Variants in SSH1 observed in about 807,000 individuals in gnomAD.
The protein encoded by SSH1 is protein phosphatase Slingshot homolog 1.
A neutral mutation model predicts 79.7 loss-of-function variants in SSH1; 43 were observed. That is an observed-to-expected ratio of 0.54 (90% confidence interval 0.42 to 0.70). The LOEUF is 0.70. Among genes scored for constraint, SSH1 ranks in the 30% least tolerant of loss-of-function variants. The pLI, the probability that SSH1 is intolerant of heterozygous loss-of-function variation, is 0.00. For synonymous variants in SSH1, 599 were observed against 538.3 expected, an observed-to-expected ratio of 1.11 and a Z score of -1.56; for missense variants, 1,206 against 1,358.8, an observed-to-expected ratio of 0.89 and a Z score of 1.77.
chr12:108,788,067 TC>T lies in SSH1; in HGVS notation c.3070del (p.Asp1024ThrfsTer17). The T allele has an allele frequency of 6.2e-7, 1 of 1,614,046 alleles. No homozygotes were observed. Among genetic ancestry groups the T allele is most frequent in the South Asian group, 1.1e-5 (1 of 91,058 alleles). On this transcript the variant is annotated frameshift_variant, in exon 15 of 15. Coordinates refer to ENST00000326495, the MANE Select transcript of SSH1 (RefSeq NM_018984.4). LOFTEE classifies it low-confidence loss of function (END_TRUNC). ...FLHEPQGTPR[D>X]PAATSKPSGK... ...TGATGGTTTGGAGGTTGCAGCTGGG[TC>T]CCTCGGGGTTCCCTGGGGCTCATGC... is the stretch of plus-strand genomic sequence containing the variant.
chr12:108,809,104 G>T (rs566264419), intron 7 of SSH1, among the ~76,000 whole-genome samples: 1 of 151,666 alleles, frequency 6.6e-6, no homozygotes, highest in East Asian at 1.9e-4. Context: ...AAAGTGCTGG[G>T]GTTACAGTTG....
chr12:108,824,735 G>A (rs1006173790), intron 2 of SSH1, among the ~76,000 whole-genome samples: 6 of 152,296 alleles, frequency 3.9e-5, no homozygotes, highest in South Asian at 4.1e-4. Context: ...CCTGGGCAAC[G>A]TTGTGAGACC....
chr12:108,787,782 G>A lies in SSH1; in HGVS notation c.*206C>T, dbSNP rs2036324992. 1 of 663,032 alleles carries A rather than the reference G, an allele frequency of 1.5e-6. No individual in the cohort carries two copies. The allele number at this position is 663,032 out of a possible 1,614,324, so 41.1% of individuals were successfully genotyped here. A position where few individuals can be genotyped will look rare whatever the true frequency, so the allele number is the denominator to read the frequency against. The stretch of plus-strand genomic sequence containing the variant: ...TGGCCGGCGGCTCCTGGTTCTCCCA[G>A]GCCACACGACTGACAGCTCCCCTTC... On this transcript the variant is annotated 3_prime_UTR_variant, in exon 15 of 15. Transcript: ENST00000326495.
Position 108,815,166 on chromosome 12 carries a change from G to A in SSH1, c.401+1872C>T, listed in dbSNP as rs181063791. On this transcript the variant is annotated intron_variant, in intron 5 of 14. Coordinates refer to ENST00000326495, the MANE Select transcript of SSH1 (RefSeq NM_018984.4). ...GTGGCATCTACTCATTCAGCAGGTCGACAGGAAAAGCCCTGCCTCCAAGTC... is the reference window on the plus strand; with the variant it reads ...GTGGCATCTACTCATTCAGCAGGTCAACAGGAAAAGCCCTGCCTCCAAGTC... Among the ~76,000 whole-genome samples the A allele has an allele frequency of 2.1e-4, 32 of 152,338 alleles. No homozygotes were observed. The East Asian group carries it at 5.4e-3, about 26-fold the overall frequency.
chr12:108,795,846 G>A (rs1301058640), intron 13 of SSH1, among the ~76,000 whole-genome samples: 1 of 152,022 alleles, frequency 6.6e-6, no homozygotes, highest in Non-Finnish European at 1.5e-5. Flanking sequence ...GTGAGACCCT[G>A]TCTCAAAAAA....
chr12:108,805,602 T>TA lies in SSH1; in HGVS notation c.826-419dup, dbSNP rs1349972991. Among the ~76,000 whole-genome samples the TA allele has an allele frequency of 2.6e-5, 4 of 152,128 alleles. No homozygotes were observed. The East Asian group carries it at 5.8e-4, about 22-fold the overall frequency. Reference sequence around the variant, plus strand: ...GGCTGGATGGAGTGGCTCATGCCTGTAATCCCGGCACTCTGGGAGGCCTTG... The same window carrying TA: ...GGCTGGATGGAGTGGCTCATGCCTGTAAATCCCGGCACTCTGGGAGGCCTTG... On this transcript the variant is annotated intron_variant, in intron 9 of 14. Transcript: ENST00000326495.
chr12:108,799,578 C>A (rs2036899871), intron 12 of SSH1, among the ~76,000 whole-genome samples: 1 of 152,134 alleles, frequency 6.6e-6, no homozygotes, highest in East Asian at 1.9e-4. Context: ...CGAGAGTGGG[C>A]AGCTAACGGG....
At position 108,789,159 on chromosome 12, in the gene SSH1, G is replaced by A. The variant is rs2036396742; in HGVS notation, c.1979C>T (p.Ala660Val). 6.2e-7 allele frequency: 1 copy of A among 1,612,690 alleles called. No individual in the cohort carries two copies. The highest frequency in any genetic ancestry group is 2.2e-5 in the East Asian group (1 of 44,844). ...ADCMYPTASG[A>V]PEASRERCED... ...ACATCGCTCCCTGGAGGCCTCAGGAGCCCCGCTGGCTGTAGGGTACATGCA... is the reference window on the plus strand; with the variant it reads ...ACATCGCTCCCTGGAGGCCTCAGGAACCCCGCTGGCTGTAGGGTACATGCA... The change falls in exon 15 of 15, where the codon GCT (alanine) becomes GTT (valine). Residue 660 changes from alanine (A) to valine (V), a missense_variant. Around this residue, in one of 5 missense-constraint regions of SSH1, gnomAD observed 709 missense variants for 730.6 expected, o/e 0.97. Coordinates refer to ENST00000326495, the MANE Select transcript of SSH1 (RefSeq NM_018984.4).
rs1405602042 is a variant in SSH1, at chr12:108,857,557, C to T, written c.-61G>A. 1 of 983,014 alleles carries T rather than the reference C, an allele frequency of 1.0e-6. No individual in the cohort carries two copies. The highest frequency in any genetic ancestry group is 1.2e-6 in the Non-Finnish European group (1 of 821,248). The allele number at this position is 983,014 out of a possible 1,614,324, so 60.9% of individuals were successfully genotyped here. A position where few individuals can be genotyped will look rare whatever the true frequency, so the allele number is the denominator to read the frequency against. On this transcript the variant is annotated 5_prime_UTR_variant, in exon 1 of 15. Coordinates refer to ENST00000326495, the MANE Select transcript of SSH1 (RefSeq NM_018984.4). The surrounding 1 kb of genome is among the most constrained non-coding windows in gnomAD (Gnocchi z 4.7). The stretch of plus-strand genomic sequence containing the variant: ...CGAGCTAGAGCCGCCACCGCCACCG[C>T]CGCCCGGGCCGGGCCCGGGGCCTCC...
intron 13 of SSH1, among the ~76,000 whole-genome samples, chr12:108,793,098 G>A (rs1044740722): frequency 9.2e-5 from 14 of 152,210 alleles, no homozygotes; most frequent in African/African-American, 2.9e-4. Flanking sequence ...GAACGCGGGG[G>A]CGTCTAGACT....
In SSH1 at chr12:108,807,590, C is replaced by G. The variant is rs777853429; in HGVS notation, c.731+43G>C. ...AGGGCAGGTGGGGGAGAGGCAGGTGCCTGTGGGCTTGGGTGCGCTCACACC... is the reference window on the plus strand; with the variant it reads ...AGGGCAGGTGGGGGAGAGGCAGGTGGCTGTGGGCTTGGGTGCGCTCACACC... On this transcript the variant is annotated intron_variant, in intron 8 of 14. Coordinates refer to ENST00000326495, the MANE Select transcript of SSH1 (RefSeq NM_018984.4). The surrounding 1 kb of genome is among the most constrained non-coding windows in gnomAD (Gnocchi z 5.2). 1 of 1,596,608 alleles carries G rather than the reference C, an allele frequency of 6.3e-7. No homozygotes were observed.
At chr12:108,789,312 G>C in intron 14 of SSH1, 68 bp from the exon 15 acceptor site, 1 of 1,520,532 alleles carries the variant, frequency 6.6e-7, no homozygotes. Flanking sequence ...AAACATGAGG[G>C]TGGGCAGGGA....
rs1471927980 is a variant in SSH1 at position 108,857,482 on chromosome 12, G to A, written c.15C>T (p.Thr5=). 14 of 1,139,336 alleles carry A rather than the reference G, an allele frequency of 1.2e-5. No individual in the cohort carries two copies. The highest frequency in any genetic ancestry group is 3.2e-5 in the Admixed American group (1 of 31,078). The allele number at this position is 1,139,336 out of a possible 1,614,324, so 70.6% of individuals were successfully genotyped here. Residue 5 remains threonine (T), a synonymous_variant, in exon 1 of 15, where the codon ACC becomes ACT. Coordinates refer to ENST00000326495, the MANE Select transcript of SSH1 (RefSeq NM_018984.4). The surrounding 1 kb of genome is among the most constrained non-coding windows in gnomAD (Gnocchi z 4.7). MALV[T]LQRSPTPSAA... ...CGCTGGGCGTGGGCGAGCGCTGCAG[G>A]GTCACCAGGGCCATGGCTGCGGCGC...
chr12:108,827,188 C>T, intron 2 of SSH1: 2 of 1,433,906 alleles, frequency 1.4e-6, no homozygotes, highest in Non-Finnish European at 9.3e-7. Flanking sequence ...CCCAGGCCCC[C>T]AAAATATAAA....
intron 2 of SSH1, chr12:108,827,144 G>A: frequency 1.0e-6 from 1 of 954,956 alleles, no homozygotes; most frequent in Middle Eastern, 2.3e-4. Flanking sequence ...ATTGAAGACA[G>A]ACAAAAAACC....
intron 14 of SSH1, among the ~76,000 whole-genome samples, chr12:108,790,168 T>A (rs963087446): frequency 2.0e-5 from 3 of 151,330 alleles, no homozygotes; most frequent in East Asian, 1.9e-4. Flanking sequence ...TTTTTTTTTT[T>A]AAATGAAGTT....
rs939054908 is a variant in SSH1, at chr12:108,857,061, C to A, written c.69+367G>T. ...ACAGTCACCCTTAGGGGTCACAACG[C>A]ACACAGTCTCCGCCTAACAGGGGTC... On this transcript the variant is annotated intron_variant, in intron 1 of 14. Transcript: ENST00000326495. The surrounding 1 kb of genome is among the most constrained non-coding windows in gnomAD (Gnocchi z 4.7). 1.3e-5 allele frequency among the ~76,000 whole-genome samples: 2 copies of A among 152,264 alleles called. No homozygotes were observed. The highest frequency in any genetic ancestry group is 4.8e-5 in the African/African-American group (2 of 41,474).
rs2036353812 is a variant in SSH1 at position 108,788,366 on chromosome 12, G to A, written c.2772C>T (p.Thr924=). The part of the protein sequence containing the change: ...DFLKTICYTP[T]SSSMSSNLTR... ...TCAGGTTGGAGCTCATGGAAGAGGA[G>A]GTGGGGGTGTAGCAGATGGTCTTCA... Residue 924 remains threonine (T), a synonymous_variant, in exon 15 of 15, where the codon ACC becomes ACT. Coordinates refer to ENST00000326495, the MANE Select transcript of SSH1 (RefSeq NM_018984.4). 2 of 1,612,910 alleles carry A rather than the reference G, an allele frequency of 1.2e-6. No homozygotes were observed. The highest frequency in any genetic ancestry group is 1.3e-5 in the African/African-American group (1 of 74,898).
In SSH1 at chr12:108,852,696, G is replaced by A. The variant is rs1374691008; in HGVS notation, c.70-18C>T. On this transcript the variant is annotated intron_variant, in intron 1 of 14. Transcript: ENST00000326495. ...GCCTCCAACTACAGAGAAAGAAAGA[G>A]AATATCACACCACAGGCACCACTGT... 1 of 1,614,044 alleles carries A rather than the reference G, an allele frequency of 6.2e-7. No individual in the cohort carries two copies. Among genetic ancestry groups the A allele is most frequent in the Admixed American group, 1.7e-5 (1 of 60,012 alleles).
Sources: gnomAD v4.1 joint callset for allele counts (sites outside exome capture counted in the v4.1 genomes callset) on GRCh38, gnomAD v4.1.1 for gene constraint, gnomAD v4.1.1 regional missense constraint, Gnocchi (gnomAD v3.1) non-coding constraint, MANE v1.5 for transcripts, NCBI Gene and HGNC (gene_info 2026-07-23, HGNC 2026-07-21) for gene names.